AVIL: variants seen among roughly 807,000 people sequenced by gnomAD.
AVIL encodes advillin.
AVIL carries 78 observed loss-of-function variants against 109.9 expected under a neutral mutation model. The ratio of observed to expected loss-of-function variants is 0.71; its 90% confidence interval spans 0.59 to 0.86. The LOEUF is 0.86. Ranked by LOEUF, AVIL falls within the 40% of genes least tolerant of loss-of-function variation. AVIL has a pLI of 0.00. For synonymous variants in AVIL, 367 were observed against 379.1 expected (o/e 0.97, Z 0.37); for missense variants, 892 against 1,016.5 (o/e 0.88, Z 1.67).
chr12:57,808,415 G>C lies in AVIL; in HGVS notation c.1073C>G (p.Thr358Arg). 6.2e-7 allele frequency: 1 copy of C among 1,614,152 alleles called. No individual in the cohort carries two copies. The highest frequency in any genetic ancestry group is 8.5e-7 in the Non-Finnish European group (1 of 1,180,034). The change falls in exon 10 of 20, where the codon ACG (threonine) becomes AGG (arginine). Residue 358 changes from threonine (T) to arginine (R), a missense_variant. Physicochemically the swap from Thr to Arg is moderately conservative, Grantham distance 71. Coordinates refer to ENST00000549994, the MANE Select transcript of AVIL (RefSeq NM_006576.4). Reference sequence around the variant, plus strand: ...CTCACCAATTTTACCAATGCTGAACGTTTTCCCCAGGCCCATGGTCTGGTC... The same window carrying C: ...CTCACCAATTTTACCAATGCTGAACCTTTTCCCCAGGCCCATGGTCTGGTC... The part of the protein sequence containing the change: ...VKDQTMGLGK[T>R]FSIGKIAKVF...
Position 57,807,708 on chromosome 12 carries a change from A to G in AVIL, c.1214T>C (p.Leu405Pro). The G allele has an allele frequency of 6.2e-7, 1 of 1,614,018 alleles. No individual in the cohort carries two copies. Among genetic ancestry groups the G allele is most frequent in the Non-Finnish European group, 8.5e-7 (1 of 1,180,046 alleles). Residue 405 changes from leucine to proline, a missense_variant, in exon 12 of 20, where the codon CTG becomes CCG. Coordinates refer to ENST00000549994, the MANE Select transcript of AVIL (RefSeq NM_006576.4). ...GKVEVWRIEN[L>P]ELVPVEYQWY... ...TTGATACTCCACAGGGACCAGCTCC[A>G]GGTTCTCAATTCTCCAGACCTGGGC...
At chr12:57,803,813 T>G in intron 14 of AVIL, 144 bp from the exon 15 acceptor site, 1 of 1,171,524 alleles carries the variant, frequency 8.5e-7, no homozygotes, top group East Asian at 2.6e-5. Context: ...CAGACAAGTT[T>G]GTTCTAGTGC....
In AVIL at chr12:57,806,394, C is replaced by A. The variant is rs549145073; in HGVS notation, c.1637G>T (p.Arg546Leu). The A allele has an allele frequency of 6.2e-7, 1 of 1,613,982 alleles. No homozygotes were observed. Among genetic ancestry groups the A allele is most frequent in the Non-Finnish European group, 8.5e-7 (1 of 1,179,998 alleles). The change falls in exon 14 of 20, where the codon CGA (arginine) becomes CTA (leucine). Residue 546 changes from arginine (R) to leucine (L), a missense_variant. Arg to Leu is a moderately radical substitution (Grantham distance 102). Coordinates refer to ENST00000549994, the MANE Select transcript of AVIL (RefSeq NM_006576.4). ...CCACAGGTAGTGCTCTGCCTGAGTT[C>A]GCAGCAGAAAGACATCATTGGAGTT... Reference protein sequence around the residue: ...SLNSNDVFLLRTQAEHYLWYG... With the variant: ...SLNSNDVFLLLTQAEHYLWYG...
At chr12:57,802,612 T>C (rs1230341011) in intron 16 of AVIL, 1 of 703,328 alleles carries the variant, frequency 1.4e-6, no homozygotes, top group Middle Eastern at 2.3e-4. Context: ...TCCAACTTCT[T>C]GCAGAACACC....
Position 57,806,627 on chromosome 12 carries a change from T to C in AVIL, c.1492-88A>G, listed in dbSNP as rs113363824. 756 of 1,457,752 alleles carry C rather than the reference T, an allele frequency of 5.2e-4. 10 individuals are homozygous for C. In the African/African-American group the frequency reaches 8.8e-3, roughly 17 times the overall value. 90.3% of individuals were successfully genotyped at this position (1,457,752 alleles called of 1,614,324 possible). The stretch of plus-strand genomic sequence containing the variant: ...GCTGTTGTGGGAAACGTGAATGTTA[T>C]AGTATTATGTTTGCCCTTGAGGAGC... On this transcript the variant is annotated intron_variant, in intron 13 of 19. Coordinates refer to ENST00000549994, the MANE Select transcript of AVIL (RefSeq NM_006576.4).
intron 1 of AVIL, 81 bp from the exon 2 acceptor site, chr12:57,816,140 C>T (rs1046258889): frequency 1.3e-5 from 16 of 1,212,526 alleles, no homozygotes; most frequent in Middle Eastern, 2.0e-4. Flanking sequence ...CGAGCTGCTT[C>T]CCAGTCTGTT....
At chr12:57,805,275 T>C (rs1188547236) in intron 14 of AVIL, among the ~76,000 whole-genome samples, 1 of 152,166 alleles carries the variant, frequency 6.6e-6, no homozygotes, top group Non-Finnish European at 1.5e-5. Context: ...CGGGCTGGTC[T>C]CAAACTCCTG....
rs777186198 is a variant in AVIL at position 57,809,900 on chromosome 12, G to C, written c.762-10C>G. On this transcript the variant is annotated splice_polypyrimidine_tract_variant and intron_variant, in intron 7 of 19. Transcript: ENST00000549994. ...AGCTGAATCTGAGATACTGGAGAAG[G>C]GGAGAGGTTAGCCTGTGCCTTTTCC... The C allele has an allele frequency of 1.2e-6, 2 of 1,613,908 alleles. No homozygotes were observed. The highest frequency in any genetic ancestry group is 8.5e-7 in the Non-Finnish European group (1 of 1,179,836).
Position 57,807,689 on chromosome 12 carries a change from C to T in AVIL, c.1233G>A (p.Glu411=). 5 of 1,614,114 alleles carry T rather than the reference C, an allele frequency of 3.1e-6. No homozygotes were observed. The highest frequency in any genetic ancestry group is 4.2e-6 in the Non-Finnish European group (5 of 1,180,050). The change falls in exon 12 of 20, where the codon GAG becomes GAA. Residue 411 remains glutamate, a synonymous_variant. Coordinates refer to ENST00000549994, the MANE Select transcript of AVIL (RefSeq NM_006576.4). ...CATAAAAGAAGCCATACCATTGATA[C>T]TCCACAGGGACCAGCTCCAGGTTCT... The part of the protein sequence containing the change: ...RIENLELVPV[E]YQWYGFFYGG...
chr12:57,813,839 G>A (rs981109119), intron 3 of AVIL, among the ~76,000 whole-genome samples: 1 of 152,196 alleles, frequency 6.6e-6, no homozygotes, highest in African/African-American at 2.4e-5. Context: ...GCTAGAGACA[G>A]GCCTTGCATT....
chr12:57,814,278 C>T (rs768037220), intron 2 of AVIL, 52 bp from the exon 3 acceptor site: 2 of 1,529,478 alleles, frequency 1.3e-6, no homozygotes, highest in African/African-American at 2.7e-5. Context: ...CCTCCCTTCC[C>T]CATGAGCCTC....
chr12:57,800,377 C>A (rs1362521095), intron 18 of AVIL: 1 of 156,690 alleles, frequency 6.4e-6, no homozygotes, highest in African/African-American at 2.4e-5. Context: ...GGTTTGAACA[C>A]CTGGTGCCAT....
At chr12:57,805,537 T>G (rs1287731392) in intron 14 of AVIL, among the ~76,000 whole-genome samples, 2 of 132,720 alleles carry the variant, frequency 1.5e-5, no homozygotes, top group Non-Finnish European at 3.4e-5. Flanking sequence ...TTTCAGTGAG[T>G]TTTTTTTTTT....
chr12:57,803,567 A>C lies in AVIL; in HGVS notation c.1774T>G (p.Trp592Gly). The change falls in exon 15 of 20, where the codon TGG becomes GGG. Residue 592 changes from tryptophan (W) to glycine (G), a missense_variant. By Grantham distance (184) the Trp-to-Gly change is radical (BLOSUM62 -2). Coordinates refer to ENST00000549994, the MANE Select transcript of AVIL (RefSeq NM_006576.4). ...VAEGQEPAEF[W>G]DLLGGKTPYA... is the part of the protein sequence containing the mutation. ...GGAGTTTTCCCTCCCAGTAGGTCCC[A>C]GAACTCGGCTGGCTCCTGGCCCTCG... The C allele has an allele frequency of 6.2e-7, 1 of 1,614,208 alleles. No homozygotes were observed. The highest frequency in any genetic ancestry group is 8.5e-7 in the Non-Finnish European group (1 of 1,180,036).
chr12:57,805,653 C>T (rs11608745), intron 14 of AVIL, among the ~76,000 whole-genome samples: 1 of 151,598 alleles, frequency 6.6e-6, no homozygotes, highest in African/African-American at 2.4e-5. Flanking sequence ...CCTGCCTCAG[C>T]CTCCCGAGTA....
intron 13 of AVIL, among the ~76,000 whole-genome samples, chr12:57,807,111 A>T (rs1955959635): frequency 6.6e-6 from 1 of 152,176 alleles, no homozygotes; most frequent in African/African-American, 2.4e-5. Context: ...GGGTCAGGTT[A>T]TGAAAGACCT....
At chr12:57,801,272 A>C in intron 17 of AVIL, 60 bp from the exon 18 acceptor site, 2 of 1,408,422 alleles carry the variant, frequency 1.4e-6, no homozygotes, top group South Asian at 2.4e-5. Flanking sequence ...GGGACATCTT[A>C]GGTCTGGTCT....
chr12:57,806,261 T>C, intron 14 of AVIL, 99 bp downstream of exon 14: 1 of 1,307,232 alleles, frequency 7.6e-7, no homozygotes, highest in Non-Finnish European at 1.1e-6. Flanking sequence ...AAGCAAGCAC[T>C]CCAGCCTACT....
intron 17 of AVIL, 79 bp downstream of exon 17, chr12:57,802,081 A>G (rs1955859732): frequency 1.5e-5 from 22 of 1,485,032 alleles, no homozygotes; most frequent in Non-Finnish European, 1.8e-5. Flanking sequence ...GCCGTGAATC[A>G]GTACTCCACC....
Sources: gnomAD v4.1 joint callset for allele counts (sites outside exome capture counted in the v4.1 genomes callset) on GRCh38, gnomAD v4.1.1 for gene constraint, MANE v1.5 for transcripts, NCBI Gene and HGNC (gene_info 2026-07-23, HGNC 2026-07-21) for gene names.